PPFIA2: variants seen among roughly 807,000 people sequenced by gnomAD.
The protein encoded by PPFIA2 is PPFI scaffold protein A2, also known as liprin-alpha-2.
A neutral mutation model predicts 175.5 loss-of-function variants in PPFIA2; 46 were observed. The observed-to-expected ratio is 0.26, with a 90% confidence interval of 0.21 to 0.34. The LOEUF (loss-of-function observed/expected upper bound fraction) is 0.34. PPFIA2 is among the 10% of genes least tolerant of loss of function. PPFIA2 has a pLI of 1.00. For missense variants in PPFIA2, 1,179 were observed against 1,506.1 expected (o/e 0.78, Z 3.60); for synonymous variants, 568 against 511.4 (o/e 1.11, Z -1.49).
At chr12:81,716,352 T>C (rs907242300) in intron 3 of PPFIA2, among the ~76,000 whole-genome samples, 15 of 151,800 alleles carry the variant, frequency 9.9e-5, no homozygotes, top group Non-Finnish European at 2.1e-4. Flanking sequence ...ATAGAGCTAA[T>C]TAGCCTATAT....
intron 3 of PPFIA2, among the ~76,000 whole-genome samples, chr12:81,679,676 A>C (rs2073237059): frequency 6.6e-6 from 1 of 151,924 alleles, no homozygotes; most frequent in Admixed American, 6.6e-5. Flanking sequence ...TTATCTCTAA[A>C]TGGGTAAGTT....
At chr12:81,572,656 G>A (rs988338105) in intron 4 of PPFIA2, among the ~76,000 whole-genome samples, 2 of 151,964 alleles carry the variant, frequency 1.3e-5, no homozygotes, top group African/African-American at 4.8e-5. Context: ...GCAGCAACCT[G>A]GAGTTATGCC....
intron 4 of PPFIA2, among the ~76,000 whole-genome samples, chr12:81,502,353 C>T (rs2060676251): frequency 6.6e-6 from 1 of 152,140 alleles, no homozygotes; most frequent in African/African-American, 2.4e-5. Context: ...AACATTTGTG[C>T]AATGTAGAAT....
intron 17 of PPFIA2, among the ~76,000 whole-genome samples, chr12:81,350,170 A>G (rs2059771347): frequency 6.6e-6 from 1 of 151,904 alleles, no homozygotes; most frequent in African/African-American, 2.4e-5. Context: ...AATAAATATC[A>G]CAAGAATATA....
intron 7 of PPFIA2, among the ~76,000 whole-genome samples, chr12:81,415,609 A>AG (rs1229856395): frequency 1.3e-5 from 2 of 150,826 alleles, no homozygotes; most frequent in African/African-American, 4.8e-5. Flanking sequence ...TAATATTTAA[A>AG]GGGTTTTTTA....
At chr12:81,754,606 T>C (rs989273237) in intron 2 of PPFIA2, among the ~76,000 whole-genome samples, 1 of 152,200 alleles carries the variant, frequency 6.6e-6, no homozygotes. Flanking sequence ...CGAATACTTT[T>C]ATGTTACCCT....
At chr12:81,673,603 T>C (rs908136317) in intron 4 of PPFIA2, among the ~76,000 whole-genome samples, 4 of 152,034 alleles carry the variant, frequency 2.6e-5, no homozygotes. Context: ...TAATCTGTGA[T>C]CAAATTTTTA....
intron 27 of PPFIA2, among the ~76,000 whole-genome samples, chr12:81,278,195 A>G (rs2041057867): frequency 6.6e-6 from 1 of 152,228 alleles, no homozygotes; most frequent in Non-Finnish European, 1.5e-5. Context: ...TGAAATACAT[A>G]TAATTGATAC....
intron 4 of PPFIA2, among the ~76,000 whole-genome samples, chr12:81,476,237 T>C (rs1175952657): frequency 6.6e-6 from 1 of 152,174 alleles, no homozygotes; most frequent in Non-Finnish European, 1.5e-5. Context: ...TGGTTTTTCA[T>C]GAAAGTGATG....
At chr12:81,357,638 C>T (rs1483383473) in intron 16 of PPFIA2, among the ~76,000 whole-genome samples, 1 of 152,070 alleles carries the variant, frequency 6.6e-6, no homozygotes, top group Non-Finnish European at 1.5e-5. Flanking sequence ...TTTGAATGAA[C>T]AACATGAATG....
At chr12:81,380,964 G>C (rs1451672515) in intron 9 of PPFIA2, among the ~76,000 whole-genome samples, 4 of 16,080 alleles carry the variant, frequency 2.5e-4, no homozygotes, top group African/African-American at 4.3e-4. Context: ...TCACAGTGCT[G>C]TGTGTGTGTG....
In PPFIA2 at chr12:81,462,288, T is replaced by TATATATATATATATATATGTTAGAAAAC. The variant is rs1208762400; in HGVS notation, c.304-4423_304-4422insGTTTTCTAACATATATATATATATATAT. 5.5e-4 allele frequency among the ~76,000 whole-genome samples: 45 copies of TATATATATATATATATATGTTAGAAAAC among 82,288 alleles called. No homozygotes were observed. In the East Asian group the frequency reaches 6.8e-3, roughly 13 times the overall value. 54.0% of individuals were successfully genotyped at this position (82,288 alleles called of 152,430 possible). On this transcript the variant is annotated intron_variant, in intron 4 of 32. Transcript: ENST00000549396. ...ATATATATATATATGTTAGAAAACATATATATATATATATGTTTTCTAAAA... is the reference window on the plus strand; with the variant it reads ...ATATATATATATATGTTAGAAAACATATATATATATATATATATGTTAGAAAACATATATATATATATGTTTTCTAAAA...
At chr12:81,299,439 A>T in intron 22 of PPFIA2, 57 bp from the exon 23 acceptor site, 1 of 1,513,392 alleles carries the variant, frequency 6.6e-7, no homozygotes, top group Non-Finnish European at 8.9e-7. Flanking sequence ...GGCTGTGATT[A>T]TTTTTAATGA....
intron 17 of PPFIA2, among the ~76,000 whole-genome samples, chr12:81,351,307 T>C (rs181935566): frequency 2.0e-5 from 3 of 152,188 alleles, no homozygotes; most frequent in Non-Finnish European, 2.9e-5. Context: ...TTAAATTATG[T>C]CTCACAGATA....
chr12:81,396,639 CTT>C (rs1296664599), intron 8 of PPFIA2, among the ~76,000 whole-genome samples: 5 of 151,996 alleles, frequency 3.3e-5, no homozygotes, highest in East Asian at 3.9e-4. Context: ...AAACATCACT[CTT>C]GTATCAAAAT....
intron 4 of PPFIA2, among the ~76,000 whole-genome samples, chr12:81,614,008 A>T (rs993601125): frequency 4.6e-5 from 7 of 152,164 alleles, no homozygotes; most frequent in African/African-American, 1.7e-4. Context: ...ATGAACAAGC[A>T]AAACCATGAC....
chr12:81,675,304 T>A (rs979458069), intron 4 of PPFIA2, among the ~76,000 whole-genome samples: 1 of 151,944 alleles, frequency 6.6e-6, no homozygotes, highest in Admixed American at 6.6e-5. Context: ...TTGATGTCGT[T>A]TGCCTTCAGG....
intron 4 of PPFIA2, among the ~76,000 whole-genome samples, chr12:81,498,589 G>A (rs1439614322): frequency 6.6e-6 from 1 of 151,848 alleles, no homozygotes; most frequent in African/African-American, 2.4e-5. Context: ...ACAGCCATGG[G>A]GATTTTATTT....
At chr12:81,303,447 CTT>C (rs1461111341) in intron 22 of PPFIA2, among the ~76,000 whole-genome samples, 4 of 152,146 alleles carry the variant, frequency 2.6e-5, no homozygotes, top group African/African-American at 4.8e-5. Context: ...GGTGTTATCA[CTT>C]GGGTCAAAAC....
Sources: gnomAD v4.1 joint callset for allele counts (sites outside exome capture counted in the v4.1 genomes callset) on GRCh38, gnomAD v4.1.1 for gene constraint, MANE v1.5 for transcripts, NCBI Gene and HGNC (gene_info 2026-07-23, HGNC 2026-07-21) for gene names.